The following GABRG3 variants were observed in gnomAD, a reference collection of about 807,000 sequenced individuals.
GABRG3 encodes the protein gamma-aminobutyric acid receptor subunit gamma-3.
Under a neutral mutation model 48.8 loss-of-function variants are expected in GABRG3, and 25 were observed. That is an observed-to-expected ratio of 0.51 (90% confidence interval 0.37 to 0.72). The LOEUF (loss-of-function observed/expected upper bound fraction) is 0.72, where lower values mean the gene tolerates loss of function less well. Ranked by LOEUF, GABRG3 falls within the 30% of genes least tolerant of loss-of-function variation. GABRG3 has a pLI of 0.00. For missense variants in GABRG3, 394 were observed against 577.9 expected (o/e 0.68, Z 3.26); for synonymous variants, 227 against 217.6 (o/e 1.04, Z -0.38).
chr15:27,098,003 A>G (rs1316650529), intron 3 of GABRG3, among the ~76,000 whole-genome samples: 1 of 151,960 alleles, frequency 6.6e-6, no homozygotes, highest in Non-Finnish European at 1.5e-5. Flanking sequence ...AAAAAAAGAA[A>G]CTGTAACAAC....
intron 3 of GABRG3, among the ~76,000 whole-genome samples, chr15:27,296,699 A>G (rs560471932): frequency 1.3e-5 from 2 of 152,258 alleles, no homozygotes; most frequent in Admixed American, 6.5e-5. Context: ...TGCTGGTGCA[A>G]ACAAACCTAC....
At chr15:27,291,451 A>T (rs1428504672) in intron 3 of GABRG3, among the ~76,000 whole-genome samples, 1 of 152,222 alleles carries the variant, frequency 6.6e-6, no homozygotes, top group African/African-American at 2.4e-5. Flanking sequence ...TGTGCTAAAC[A>T]TTAATCATTA....
chr15:27,071,120 G>T (rs1393155075), intron 3 of GABRG3, among the ~76,000 whole-genome samples: 1 of 152,202 alleles, frequency 6.6e-6, no homozygotes, highest in Non-Finnish European at 1.5e-5. Context: ...AGAGGAGAGA[G>T]AATGCAAAGT....
intron 3 of GABRG3, among the ~76,000 whole-genome samples, chr15:27,313,240 A>ATGTG (rs1169973611): frequency 0.072 from 4,035 of 56,352 alleles, 642 homozygotes; most frequent in Non-Finnish European, 0.1. Context: ...ATATGTATAT[A>ATGTG]TGTGTGTGTG....
rs935375305 is a variant in GABRG3, at chr15:27,020,618, T to C, written c.203-6136T>C. 9.2e-5 allele frequency among the ~76,000 whole-genome samples: 14 copies of C among 152,028 alleles called. No individual in the cohort carries two copies. In the East Asian group the frequency reaches 1.7e-3, roughly 19 times the overall value. ...ATTTTTAGCAGAGACGGGGTTTCAC[T>C]GTGTTAGCCAGGATGGTCTCGATCT... On this transcript the variant is annotated intron_variant, in intron 2 of 9. Transcript: ENST00000615808.
intron 4 of GABRG3, among the ~76,000 whole-genome samples, 194 bp from the exon 5 acceptor site, chr15:27,328,612 C>A (rs1230848805): frequency 6.6e-6 from 1 of 152,206 alleles, no homozygotes; most frequent in Non-Finnish European, 1.5e-5. Context: ...TAGTTAAAAG[C>A]AAAACAAAAT....
chr15:27,255,983 C>T (rs1222510929), intron 3 of GABRG3, among the ~76,000 whole-genome samples: 4 of 152,194 alleles, frequency 2.6e-5, no homozygotes, highest in Admixed American at 2.6e-4. Context: ...TTCCCAGAAC[C>T]TGTGTCTATG....
chr15:27,018,214 A>G (rs972631816), intron 2 of GABRG3, among the ~76,000 whole-genome samples: 4 of 152,234 alleles, frequency 2.6e-5, no homozygotes, highest in Non-Finnish European at 2.9e-5. Context: ...CTTCAGAGTC[A>G]AATTTATAAC....
chr15:27,380,906 C>T (rs1167167248), intron 5 of GABRG3, among the ~76,000 whole-genome samples: 1 of 151,914 alleles, frequency 6.6e-6, no homozygotes, highest in Non-Finnish European at 1.5e-5. Flanking sequence ...GCTGGGACTA[C>T]AGGCGCCTGC....
intron 5 of GABRG3, among the ~76,000 whole-genome samples, chr15:27,445,804 G>C (rs1888926824): frequency 6.6e-6 from 1 of 151,948 alleles, no homozygotes; most frequent in African/African-American, 2.4e-5. Context: ...GTCCCATTTT[G>C]AATTCATATT....
intron 3 of GABRG3, among the ~76,000 whole-genome samples, chr15:27,184,352 A>T (rs1888027328): frequency 6.6e-6 from 1 of 152,242 alleles, no homozygotes; most frequent in South Asian, 2.1e-4. Context: ...GAACATTTAC[A>T]TCCTGTTTTC....
chr15:27,482,674 T>TAAGG (rs1279694090), intron 6 of GABRG3, among the ~76,000 whole-genome samples: 1 of 152,220 alleles, frequency 6.6e-6, no homozygotes, highest in African/African-American at 2.4e-5. Context: ...CAACACTGTC[T>TAAGG]ACTTGGTTCT....
chr15:27,222,496 A>G (rs927278782), intron 3 of GABRG3, among the ~76,000 whole-genome samples: 1 of 152,230 alleles, frequency 6.6e-6, no homozygotes, highest in African/African-American at 2.4e-5. Context: ...AAAGTGAATT[A>G]GTAGAGGACA....
chr15:26,986,450 C>T (rs1444778775), intron 2 of GABRG3, among the ~76,000 whole-genome samples: 1 of 152,130 alleles, frequency 6.6e-6, no homozygotes, highest in South Asian at 2.1e-4. Context: ...GCTTAACACA[C>T]GTTGGCGGCT....
rs967880625 is a variant in GABRG3 at position 27,533,068 on chromosome 15, A to T, written c.*187A>T. The T allele has an allele frequency of 1.7e-6, 1 of 578,652 alleles. No individual in the cohort carries two copies. The highest frequency in any genetic ancestry group is 1.9e-5 in the African/African-American group (1 of 53,528). 35.8% of individuals were successfully genotyped at this position (578,652 alleles called of 1,614,324 possible). A position where few individuals can be genotyped will look rare whatever the true frequency, so the allele number is the denominator to read the frequency against. On this transcript the variant is annotated 3_prime_UTR_variant, in exon 10 of 10. Transcript: ENST00000615808. ...TCTATTATGTATTTTACACACACAC[A>T]TACATACACACACACAGCTAATTGA...
chr15:27,396,097 C>G (rs900741660), intron 5 of GABRG3, among the ~76,000 whole-genome samples: 9 of 152,144 alleles, frequency 5.9e-5, no homozygotes, highest in Non-Finnish European at 1.3e-4. Flanking sequence ...CCCTGGCCCT[C>G]AAGCAAACTG....
At chr15:27,451,106 C>T (rs1306771475) in intron 5 of GABRG3, among the ~76,000 whole-genome samples, 1 of 152,050 alleles carries the variant, frequency 6.6e-6, no homozygotes, top group African/African-American at 2.4e-5. Context: ...TTCATACTAC[C>T]CAAAGTGATC....
intron 5 of GABRG3, among the ~76,000 whole-genome samples, chr15:27,377,480 G>T (rs1895634447): frequency 6.6e-6 from 1 of 152,194 alleles, no homozygotes; most frequent in Admixed American, 6.5e-5. Flanking sequence ...CCACATGGCT[G>T]GGGAGGCCTC....
At chr15:27,145,838 G>A (rs6606878) in intron 3 of GABRG3, among the ~76,000 whole-genome samples, 126,104 of 151,962 alleles carry the variant, frequency 0.83, 53,147 homozygotes, top group Non-Finnish European at 0.88. Context: ...CAAAAGCCAA[G>A]GAGAAAAAAT....
Sources: gnomAD v4.1 joint callset for allele counts (sites outside exome capture counted in the v4.1 genomes callset) on GRCh38, gnomAD v4.1.1 for gene constraint, MANE v1.5 for transcripts, NCBI Gene and HGNC (gene_info 2026-07-23, HGNC 2026-07-21) for gene names.